Variants in CMTM8 observed in about 807,000 individuals in gnomAD.
CMTM8 encodes the protein CKLF-like MARVEL transmembrane domain-containing protein 8.
In CMTM8, 12 loss-of-function variants were observed where a neutral mutation model predicts 18.6. The ratio of observed to expected loss-of-function variants is 0.65; its 90% confidence interval spans 0.41 to 1.05. CMTM8 has a LOEUF of 1.05. Among genes scored for constraint, CMTM8 ranks in the 50% least tolerant of loss-of-function variants. The pLI is 0.00. For missense variants in CMTM8, 217 were observed against 227.2 expected (o/e 0.95, Z 0.29); for synonymous variants, 87 against 90.6 (o/e 0.96, Z 0.23).
At chr3:32,262,892 G>A (rs1335141895) in intron 1 of CMTM8, among the ~76,000 whole-genome samples, 2 of 151,860 alleles carry the variant, frequency 1.3e-5, no homozygotes, top group East Asian at 3.8e-4. Flanking sequence ...AGCAATGAGC[G>A]GGAACATAGA....
At chr3:32,299,889 T>C (rs970328546) in intron 1 of CMTM8, among the ~76,000 whole-genome samples, 1 of 152,208 alleles carries the variant, frequency 6.6e-6, no homozygotes, top group African/African-American at 2.4e-5. Flanking sequence ...TGTCTGTAGC[T>C]ACTTAACTCT....
rs375885443 is a variant in CMTM8, at chr3:32,347,338, T to A, written c.148-10035T>A. On this transcript the variant is annotated intron_variant, in intron 1 of 3. Transcript: ENST00000307526. The stretch of plus-strand genomic sequence containing the variant: ...GTTAGTTCTCTCTTTATAGACACTC[T>A]GTTTCTAGAAACAACTCGCCTGCAG... 4.3e-4 allele frequency among the ~76,000 whole-genome samples: 64 copies of A among 150,472 alleles called. No homozygotes were observed. The East Asian group carries it at 0.012, about 29-fold the overall frequency.
intron 1 of CMTM8, among the ~76,000 whole-genome samples, chr3:32,272,669 G>A (rs1702455946): frequency 6.6e-6 from 1 of 151,984 alleles, no homozygotes; most frequent in Non-Finnish European, 1.5e-5. Context: ...GGCCTACATA[G>A]ACTCAGACCC....
chr3:32,291,295 A>AT (rs1462342831), intron 1 of CMTM8, among the ~76,000 whole-genome samples: 4 of 151,688 alleles, frequency 2.6e-5, no homozygotes, highest in Admixed American at 6.6e-5. Context: ...CATCTGGCTA[A>AT]TTTTTTTGTT....
intron 1 of CMTM8, among the ~76,000 whole-genome samples, chr3:32,356,002 A>G (rs1342102513): frequency 6.6e-6 from 1 of 152,130 alleles, no homozygotes; most frequent in Non-Finnish European, 1.5e-5. Flanking sequence ...TACCTTCTTC[A>G]TAACATTTGC....
chr3:32,350,192 C>T (rs1035925808), intron 1 of CMTM8, among the ~76,000 whole-genome samples: 3 of 152,048 alleles, frequency 2.0e-5, no homozygotes, highest in Admixed American at 1.3e-4. Flanking sequence ...TTATTTTAGC[C>T]GCTCCTCTCC....
At chr3:32,326,971 T>A (rs1411711276) in intron 1 of CMTM8, among the ~76,000 whole-genome samples, 3 of 152,208 alleles carry the variant, frequency 2.0e-5, no homozygotes, top group African/African-American at 7.2e-5. Flanking sequence ...TAGTTTTCTA[T>A]TTATCTCCCT....
intron 1 of CMTM8, among the ~76,000 whole-genome samples, chr3:32,283,680 T>A (rs1702637958): frequency 6.6e-6 from 1 of 152,124 alleles, no homozygotes; most frequent in Non-Finnish European, 1.5e-5. Context: ...ACAACTTGTT[T>A]TTTACATGCA....
At chr3:32,314,749 C>T (rs11129513) in intron 1 of CMTM8, among the ~76,000 whole-genome samples, 105,690 of 152,012 alleles carry the variant, frequency 0.7, 37,635 homozygotes, top group East Asian at 0.94. Context: ...AGTGCTTGGA[C>T]TGCAGGCATG....
intron 1 of CMTM8, among the ~76,000 whole-genome samples, chr3:32,292,842 C>T (rs1702803756): frequency 6.6e-6 from 1 of 152,076 alleles, no homozygotes; most frequent in African/African-American, 2.4e-5. Flanking sequence ...GCAAAATCAC[C>T]TGTAGTTGAA....
At chr3:32,324,974 T>C (rs1446038476) in intron 1 of CMTM8, among the ~76,000 whole-genome samples, 3 of 152,264 alleles carry the variant, frequency 2.0e-5, no homozygotes, top group Non-Finnish European at 4.4e-5. Context: ...AGCTCCCCAC[T>C]TCTGGTGATG....
chr3:32,326,672 A>G (rs1029877450), intron 1 of CMTM8, among the ~76,000 whole-genome samples: 2 of 151,780 alleles, frequency 1.3e-5, no homozygotes, highest in African/African-American at 4.8e-5. Context: ...GCGTACCATC[A>G]TGCCCACTAA....
At chr3:32,341,593 G>C (rs1486229243) in intron 1 of CMTM8, among the ~76,000 whole-genome samples, 3 of 152,152 alleles carry the variant, frequency 2.0e-5, no homozygotes, top group Non-Finnish European at 4.4e-5. Context: ...TTAAAAACTT[G>C]AGGCCAGGTG....
chr3:32,261,378 G>T (rs1478680595), intron 1 of CMTM8, among the ~76,000 whole-genome samples: 1 of 152,054 alleles, frequency 6.6e-6, no homozygotes, highest in Non-Finnish European at 1.5e-5. Flanking sequence ...ATTAAGACAT[G>T]TAAAGAAAAA....
intron 1 of CMTM8, among the ~76,000 whole-genome samples, chr3:32,269,889 T>A (rs923673781): frequency 2.6e-5 from 4 of 151,896 alleles, no homozygotes; most frequent in African/African-American, 9.7e-5. Context: ...GCAATCCTCC[T>A]GTCTCAGCCT....
At chr3:32,310,454 C>G (rs1419045168) in intron 1 of CMTM8, among the ~76,000 whole-genome samples, 2 of 152,192 alleles carry the variant, frequency 1.3e-5, no homozygotes. Flanking sequence ...AGGCCTTGTC[C>G]TTGCCAATGA....
At chr3:32,292,055 C>T (rs903348980) in intron 1 of CMTM8, among the ~76,000 whole-genome samples, 1 of 152,154 alleles carries the variant, frequency 6.6e-6, no homozygotes, top group Non-Finnish European at 1.5e-5. Flanking sequence ...ACCTTCTATC[C>T]GGATCAACCT....
Position 32,363,178 on chromosome 3 carries a change from T to C in CMTM8, c.322-4694T>C, listed in dbSNP as rs548982772. Among the ~76,000 whole-genome samples, 3 of 152,284 alleles carry C rather than the reference T, an allele frequency of 2.0e-5. No individual in the cohort carries two copies. In the East Asian group the frequency reaches 5.8e-4, roughly 29 times the overall value. On this transcript the variant is annotated intron_variant, in intron 2 of 3. Transcript: ENST00000307526. ...CCTATAAGAGAGGTCCAAAACAACATTGGTTTAAAACTTATTTCTCTCTCC... is the reference window on the plus strand; with the variant it reads ...CCTATAAGAGAGGTCCAAAACAACACTGGTTTAAAACTTATTTCTCTCTCC...
chr3:32,314,572 C>T (rs143952195), intron 1 of CMTM8, among the ~76,000 whole-genome samples: 30 of 152,060 alleles, frequency 2.0e-4, no homozygotes, highest in East Asian at 1.2e-3. Context: ...CTCCACTTCC[C>T]GGATTCAATC....
Sources: allele counts gnomAD v4.1 joint callset (sites outside exome capture counted in the v4.1 genomes callset), GRCh38; gene constraint gnomAD v4.1.1; transcripts MANE v1.5; gene names NCBI Gene and HGNC (gene_info 2026-07-23, HGNC 2026-07-21).